Variants in FAM124A observed in about 807,000 individuals in gnomAD.
The protein encoded by FAM124A is family with sequence similarity 124 member A.
In FAM124A, 23 loss-of-function variants were observed where a neutral mutation model predicts 24.5. The ratio of observed to expected loss-of-function variants is 0.94; its 90% CI spans 0.68 to 1.33. The LOEUF (loss-of-function observed/expected upper bound fraction) is 1.33. FAM124A is among the 40% of genes most tolerant of loss of function. The pLI is 0.00. For synonymous variants in FAM124A, 287 were observed against 314.7 expected, an observed-to-expected ratio of 0.91 and a Z score of 0.93; for missense variants, 623 against 722.8, an observed-to-expected ratio of 0.86 and a Z score of 1.58.
intron 1 of FAM124A, among the ~76,000 whole-genome samples, chr13:51,229,234 G>A (rs1029653532): frequency 1.3e-5 from 2 of 152,222 alleles, no homozygotes; most frequent in East Asian, 1.9e-4. Context: ...TTACACTAGC[G>A]AGCTTGAATT....
intron 2 of FAM124A, among the ~76,000 whole-genome samples, chr13:51,232,149 T>C (rs1379802412): frequency 6.6e-6 from 1 of 152,186 alleles, no homozygotes; most frequent in Non-Finnish European, 1.5e-5. Flanking sequence ...AGGAATATGT[T>C]TACAAAGACA....
intron 2 of FAM124A, among the ~76,000 whole-genome samples, chr13:51,234,187 T>G (rs1045212017): frequency 6.6e-6 from 1 of 152,238 alleles, no homozygotes; most frequent in African/African-American, 2.4e-5. Flanking sequence ...TGATTCTTAC[T>G]CAACATTCAC....
chr13:51,263,774 TA>T (rs1007356714), intron 3 of FAM124A, among the ~76,000 whole-genome samples: 4 of 152,188 alleles, frequency 2.6e-5, no homozygotes, highest in African/African-American at 9.7e-5. Context: ...TACTGCCGTC[TA>T]AAAAAATTTC....
intron 2 of FAM124A, among the ~76,000 whole-genome samples, chr13:51,236,914 T>C (rs1954440516): frequency 6.6e-6 from 1 of 152,208 alleles, no homozygotes; most frequent in Admixed American, 6.5e-5. Context: ...CAGAGTCTTA[T>C]TCCATAAGAT....
At chr13:51,231,732 CTGCAGT>C (rs1954379353) in intron 2 of FAM124A, among the ~76,000 whole-genome samples, 1 of 152,218 alleles carries the variant, frequency 6.6e-6, no homozygotes, top group African/African-American at 2.4e-5. Flanking sequence ...TCCTGGATCC[CTGCAGT>C]TGCTCCAGCT....
intron 2 of FAM124A, among the ~76,000 whole-genome samples, chr13:51,234,285 C>T (rs1185321814): frequency 6.6e-6 from 1 of 152,178 alleles, no homozygotes; most frequent in Non-Finnish European, 1.5e-5. Context: ...GACCTTGTTG[C>T]CTGTTTGTCC....
chr13:51,264,470 A>G (rs1954765841), intron 3 of FAM124A, among the ~76,000 whole-genome samples: 2 of 152,190 alleles, frequency 1.3e-5, no homozygotes, highest in African/African-American at 4.8e-5. Flanking sequence ...TCAAAGTTGC[A>G]TACACCTGCC....
chr13:51,280,682 C>A lies in FAM124A; in HGVS notation c.1067C>A (p.Ser356Tyr). 1.1e-5 allele frequency: 17 copies of A among 1,614,176 alleles called. No individual in the cohort carries two copies. Among genetic ancestry groups the A allele is most frequent in the Non-Finnish European group, 1.4e-5 (17 of 1,180,050 alleles). The change falls in exon 4 of 4, where the codon TCT becomes TAT. Residue 356 changes from serine (S) to tyrosine (Y), a missense_variant. Transcript: ENST00000322475. ...RANSTPNPPW[S>Y]FQRSKSLFCL... is the part of the protein sequence containing the mutation. ...AACAGCACCCCCAACCCTCCCTGGT[C>A]TTTCCAGAGAAGCAAGTCCTTGTTT...
Position 51,251,541 on chromosome 13 carries a change from C to A in FAM124A, c.174C>A (p.Ser58=). 6.6e-7 allele frequency: 1 copy of A among 1,525,806 alleles called. No individual in the cohort carries two copies. Among genetic ancestry groups the A allele is most frequent in the African/African-American group, 1.4e-5 (1 of 72,362 alleles). 94.5% of individuals were successfully genotyped at this position (1,525,806 alleles called of 1,614,324 possible). A position where few individuals can be genotyped will look rare whatever the true frequency, so the allele number is the denominator to read the frequency against. Residue 58 remains serine (S), a synonymous_variant, in exon 3 of 4, where the codon TCC becomes TCA. Transcript: ENST00000322475. This position sits in a 1 kb window ranked among gnomAD's most constrained non-coding sequence, Gnocchi z 5.3. ...ACATAATCGCAGACCCAGGGGAGTC[C>A]CAGCCCCTGCAGGAGGCCATCGACA... The part of the protein sequence containing the change: ...SIHIIADPGE[S]QPLQEAIDNV...
chr13:51,231,423 C>T (rs751625684), intron 2 of FAM124A, 44 bp downstream of exon 2: 34 of 1,607,876 alleles, frequency 2.1e-5, no homozygotes, highest in Non-Finnish European at 2.7e-5. Context: ...TAACGGTCCC[C>T]GGAGAGGTCA....
chr13:51,274,361 T>C (rs1427778739), intron 3 of FAM124A, among the ~76,000 whole-genome samples: 2 of 152,214 alleles, frequency 1.3e-5, no homozygotes, highest in Admixed American at 1.3e-4. Context: ...GCATTGGAAA[T>C]CCACAATCCA....
At chr13:51,260,261 G>A (rs560873654) in intron 3 of FAM124A, among the ~76,000 whole-genome samples, 7 of 152,296 alleles carry the variant, frequency 4.6e-5, no homozygotes, top group South Asian at 2.1e-4. Flanking sequence ...TGTGCTGATG[G>A]AGTCCTCCAT....
intron 2 of FAM124A, among the ~76,000 whole-genome samples, chr13:51,241,766 G>T (rs1271331141): frequency 2.6e-5 from 4 of 151,740 alleles, no homozygotes; most frequent in African/African-American, 9.7e-5. Context: ...GAGTCCCCAG[G>T]CTCCATCCAC....
chr13:51,228,293 C>T (rs1415167545), intron 1 of FAM124A, among the ~76,000 whole-genome samples: 1 of 152,054 alleles, frequency 6.6e-6, no homozygotes, highest in East Asian at 1.9e-4. Context: ...GTCTTAAGTA[C>T]AGAACCTCTA....
At chr13:51,278,614 C>T (rs971964746) in intron 3 of FAM124A, among the ~76,000 whole-genome samples, 2 of 152,226 alleles carry the variant, frequency 1.3e-5, no homozygotes, top group Non-Finnish European at 2.9e-5. Flanking sequence ...CCATATCAGC[C>T]TCAAATTCCG....
chr13:51,274,890 C>T (rs1348075730), intron 3 of FAM124A, among the ~76,000 whole-genome samples: 2 of 152,182 alleles, frequency 1.3e-5, no homozygotes, highest in African/African-American at 4.8e-5. Flanking sequence ...CCCAGTTCCT[C>T]TAAATATATC....
At chr13:51,224,886 T>C (rs1329448435) in intron 1 of FAM124A, among the ~76,000 whole-genome samples, 4 of 152,116 alleles carry the variant, frequency 2.6e-5, no homozygotes, top group African/African-American at 7.2e-5. Context: ...CTTTGCGCCT[T>C]GTATTTTTCT....
At chr13:51,245,987 G>A (rs555792544) in intron 2 of FAM124A, among the ~76,000 whole-genome samples, 1 of 152,352 alleles carries the variant, frequency 6.6e-6, no homozygotes, top group South Asian at 2.1e-4. Context: ...GCCTGAGCTT[G>A]TACACTGCTT....
At chr13:51,238,133 G>A (rs1247706304) in intron 2 of FAM124A, among the ~76,000 whole-genome samples, 1 of 152,232 alleles carries the variant, frequency 6.6e-6, no homozygotes, top group Non-Finnish European at 1.5e-5. Flanking sequence ...CAGAGCCACA[G>A]AATGCCAGCT....
Sources: gnomAD v4.1 joint callset for allele counts (sites outside exome capture counted in the v4.1 genomes callset) on GRCh38, gnomAD v4.1.1 for gene constraint, Gnocchi (gnomAD v3.1) non-coding constraint, MANE v1.5 for transcripts, NCBI Gene and HGNC (gene_info 2026-07-23, HGNC 2026-07-21) for gene names.